The following GPLD1 variants were observed in gnomAD, a reference collection of about 807,000 sequenced individuals.
GPLD1 encodes the protein glycosylphosphatidylinositol specific phospholipase D1.
A neutral mutation model predicts 112.6 loss-of-function variants in GPLD1; 84 were observed. The ratio of observed to expected loss-of-function variants is 0.75; its 90% CI spans 0.63 to 0.89. The LOEUF (loss-of-function observed/expected upper bound fraction) is 0.89. Among genes scored for constraint, GPLD1 ranks in the 40% least tolerant of loss-of-function variants. GPLD1 has a pLI of 0.00. For synonymous variants in GPLD1, 386 were observed against 403.8 expected (o/e 0.96, Z 0.53); for missense variants, 1,044 against 1,051.5 (o/e 0.99, Z 0.10).
Position 24,427,215 on chromosome 6 carries a change from C to T in GPLD1, c.*1817G>A, listed in dbSNP as rs761362900. ...GAAACCCTATGATACATTCCATTCC[C>T]TTAAGTGTGCCACGCTGCAGGACTG... On this transcript the variant is annotated 3_prime_UTR_variant, in exon 25 of 25. Coordinates refer to ENST00000230036, the MANE Select transcript of GPLD1 (RefSeq NM_001503.4). Among the ~76,000 whole-genome samples the T allele has an allele frequency of 9.2e-5, 14 of 152,186 alleles. No homozygotes were observed. Among genetic ancestry groups the T allele is most frequent in the Non-Finnish European group, 1.5e-4 (10 of 68,038 alleles).
At chr6:24,449,939 G>A (rs750402112) in intron 14 of GPLD1, 40 bp from the exon 15 acceptor site, 17 of 1,361,448 alleles carry the variant, frequency 1.2e-5, no homozygotes, top group South Asian at 8.5e-5. Context: ...GCTGAGCCAC[G>A]GCCTCGGAAA....
chr6:24,427,501 T>C lies in GPLD1; in HGVS notation c.*1531A>G, dbSNP rs1269240203. On this transcript the variant is annotated 3_prime_UTR_variant, in exon 25 of 25. Coordinates refer to ENST00000230036, the MANE Select transcript of GPLD1 (RefSeq NM_001503.4). ...ACAGAAGGGTGATAGTCTTGGTTTT[T>C]ATATTTGTCCTTCACTATATAAACA... Among the ~76,000 whole-genome samples, 2 of 152,180 alleles carry C rather than the reference T, an allele frequency of 1.3e-5. No individual in the cohort carries two copies. The highest frequency in any genetic ancestry group is 4.8e-5 in the African/African-American group (2 of 41,436).
intron 2 of GPLD1, among the ~76,000 whole-genome samples, chr6:24,482,972 G>A (rs1384775395): frequency 6.6e-6 from 1 of 152,028 alleles, no homozygotes; most frequent in Non-Finnish European, 1.5e-5. Flanking sequence ...TTAAGCTATA[G>A]AAACAAAACA....
chr6:24,447,807 C>T, intron 17 of GPLD1, 70 bp downstream of exon 17: 5 of 1,394,206 alleles, frequency 3.6e-6, no homozygotes, highest in Non-Finnish European at 5.0e-6. Flanking sequence ...GATATAAACC[C>T]CTATGCAGGA....
At chr6:24,491,907 T>G (rs932233995), upstream of GPLD1, among the ~76,000 whole-genome samples, 2 of 152,026 alleles carry the variant, frequency 1.3e-5, no homozygotes, top group Non-Finnish European at 2.9e-5. Context: ...AAGTTTGTAT[T>G]ACTTTGGTAA....
intron 3 of GPLD1, among the ~76,000 whole-genome samples, chr6:24,479,120 C>T (rs538648546): frequency 2.1e-4 from 32 of 152,178 alleles, no homozygotes; most frequent in African/African-American, 5.3e-4. Context: ...CAACCAGAGA[C>T]GTGCAAGCCC....
intron 20 of GPLD1, among the ~76,000 whole-genome samples, chr6:24,444,150 G>T (rs565350691): frequency 2.2e-4 from 33 of 152,132 alleles, no homozygotes; most frequent in Non-Finnish European, 4.0e-4. Flanking sequence ...GGCAGTCAAA[G>T]ACTAGGTACA....
Position 24,427,761 on chromosome 6 carries a change from A to G in GPLD1, c.*1271T>C, listed in dbSNP as rs569191844. ...CCTGGGAGGCTGAGACAGGAGAATCACTTGAACCTGGGAGGCGGAGGTTGC... is the reference window on the plus strand; with the variant it reads ...CCTGGGAGGCTGAGACAGGAGAATCGCTTGAACCTGGGAGGCGGAGGTTGC... On this transcript the variant is annotated 3_prime_UTR_variant, in exon 25 of 25. Coordinates refer to ENST00000230036, the MANE Select transcript of GPLD1 (RefSeq NM_001503.4). Among the ~76,000 whole-genome samples, 8 of 144,190 alleles carry G rather than the reference A, an allele frequency of 5.5e-5. No homozygotes were observed. In the East Asian group the frequency reaches 1.1e-3, roughly 19 times the overall value. The allele number at this position is 144,190 out of a possible 152,430, so 94.6% of individuals were successfully genotyped here.
intron 7 of GPLD1, among the ~76,000 whole-genome samples, chr6:24,468,913 G>A (rs1281280842): frequency 6.6e-6 from 1 of 152,220 alleles, no homozygotes; most frequent in East Asian, 1.9e-4. Flanking sequence ...GCTGTATCAT[G>A]GGTGTGTCCT....
Position 24,448,177 on chromosome 6 carries a change from T to C in GPLD1, c.1478A>G (p.Gln493Arg), listed in dbSNP as rs1402278122. The change falls in exon 16 of 25, where the codon CAA becomes CGA. Residue 493 changes from glutamine to arginine, a missense_variant. By Grantham distance (43) the Gln-to-Arg change is conservative. Coordinates refer to ENST00000230036, the MANE Select transcript of GPLD1 (RefSeq NM_001503.4). ...GAVYVYFGSK[Q>R]GGMSSSPNIT... ...GTTAGGGGAAGAAGACATTCCTCCTTGTTTGGAACCAAAGTAGACATACAC... is the reference window on the plus strand; with the variant it reads ...GTTAGGGGAAGAAGACATTCCTCCTCGTTTGGAACCAAAGTAGACATACAC... 1.2e-6 allele frequency: 2 copies of C among 1,610,050 alleles called. No individual in the cohort carries two copies. The highest frequency in any genetic ancestry group is 2.2e-5 in the East Asian group (1 of 44,766).
In GPLD1 at chr6:24,445,547, G is replaced by A. The variant is rs140430161; in HGVS notation, c.2019C>T (p.Tyr673=). Residue 673 remains tyrosine (Y), a splice_region_variant and synonymous_variant, in exon 20 of 25, where the codon TAC becomes TAT. Coordinates refer to ENST00000230036, the MANE Select transcript of GPLD1 (RefSeq NM_001503.4). ...ACAGTTTCACAGTGTGTGACCTACC[G>A]TACGTAGGGGCTCCAACCAGCAGCA... ...KQVLLVGAPT[Y]DDVSKVAFLT... 87 of 1,605,258 alleles carry A rather than the reference G, an allele frequency of 5.4e-5. No homozygotes were observed. The African/African-American group carries it at 8.5e-4, about 16-fold the overall frequency.
Position 24,433,251 on chromosome 6 carries a change from C to T in GPLD1, c.2386-14G>A, listed in dbSNP as rs758135429. On this transcript the variant is annotated splice_polypyrimidine_tract_variant and intron_variant, in intron 23 of 24. Coordinates refer to ENST00000230036, the MANE Select transcript of GPLD1 (RefSeq NM_001503.4). ...CCTTGAGCTGGCCTGTAAAACATGC[C>T]GTCTGTTAATGGGCTTTGAAGAACA... is the stretch of plus-strand genomic sequence containing the variant. 3.1e-5 allele frequency: 50 copies of T among 1,610,820 alleles called. No individual in the cohort carries two copies. In the East Asian group the frequency reaches 3.1e-4, roughly 10 times the overall value.
chr6:24,490,457 G>A (rs1764525352), upstream of GPLD1, among the ~76,000 whole-genome samples: 1 of 152,162 alleles, frequency 6.6e-6, no homozygotes, highest in Non-Finnish European at 1.5e-5. Context: ...TGAATAGAAA[G>A]TGGGATGATT....
In GPLD1 at chr6:24,429,055, C is replaced by T. The variant is rs763359313; in HGVS notation, c.2500G>A (p.Val834Ile). ...LGARLSGALH[V>I]YSLGSD ...CTTCAATCTGAGCCAAGGCTATAGA[C>T]GTGAAGTGCCCCGGAGAGTCGGGCT... Residue 834 changes from valine to isoleucine, a missense_variant, in exon 25 of 25, where the codon GTC becomes ATC. By Grantham distance (29) the Val-to-Ile change is conservative. Coordinates refer to ENST00000230036, the MANE Select transcript of GPLD1 (RefSeq NM_001503.4). 115 of 1,613,064 alleles carry T rather than the reference C, an allele frequency of 7.1e-5. No individual in the cohort carries two copies. The highest frequency in any genetic ancestry group is 8.1e-5 in the Non-Finnish European group (95 of 1,179,260).
At chr6:24,457,726 A>C (rs1763312552) in intron 12 of GPLD1, among the ~76,000 whole-genome samples, 1 of 151,990 alleles carries the variant, frequency 6.6e-6, no homozygotes, top group African/African-American at 2.4e-5. Context: ...ACTAAAAATT[A>C]GCTGGGAGTG....
At chr6:24,433,287 C>T in intron 23 of GPLD1, 50 bp from the exon 24 acceptor site, 1 of 1,587,820 alleles carries the variant, frequency 6.3e-7, no homozygotes, top group Non-Finnish European at 8.6e-7. Context: ...TAGTGTAATA[C>T]TTTATCCGTT....
Position 24,426,787 on chromosome 6 carries a change from T to A in GPLD1, c.*2245A>T, listed in dbSNP as rs187368004. Among the ~76,000 whole-genome samples the A allele has an allele frequency of 1.3e-5, 2 of 152,304 alleles. No homozygotes were observed. Among genetic ancestry groups the A allele is most frequent in the African/African-American group, 4.8e-5 (2 of 41,566 alleles). On this transcript the variant is annotated 3_prime_UTR_variant, in exon 25 of 25. Coordinates refer to ENST00000230036, the MANE Select transcript of GPLD1 (RefSeq NM_001503.4). ...AAATAACCATCCTTTTAATTAAAAG[T>A]AATTCTTCAGATAGGTTGGGCTACC...
intron 7 of GPLD1, among the ~76,000 whole-genome samples, chr6:24,471,992 TAAGTGA>T (rs1053190409): frequency 1.3e-5 from 2 of 152,108 alleles, no homozygotes; most frequent in African/African-American, 4.8e-5. Flanking sequence ...AGATACACAA[TAAGTGA>T]AAGGACATAC....
chr6:24,441,938 TAA>T (rs1762758747), intron 20 of GPLD1, among the ~76,000 whole-genome samples: 3 of 149,650 alleles, frequency 2.0e-5, no homozygotes, highest in African/African-American at 7.3e-5. Context: ...ATGGTGACAT[TAA>T]TTCATATTTA....
Sources: allele counts gnomAD v4.1 joint callset (sites outside exome capture counted in the v4.1 genomes callset), GRCh38; gene constraint gnomAD v4.1.1; transcripts MANE v1.5; gene names NCBI Gene and HGNC (gene_info 2026-07-23, HGNC 2026-07-21).